DLG2: variants seen among roughly 807,000 people sequenced by gnomAD.
DLG2 encodes discs large MAGUK scaffold protein 2, also known as disks large homolog 2.
A neutral mutation model predicts 132.5 loss-of-function variants in DLG2; 45 were observed. That is an observed-to-expected ratio of 0.34 (90% CI 0.27 to 0.44). DLG2 has a LOEUF of 0.44. Among genes scored for constraint, DLG2 ranks in the 20% least tolerant of loss-of-function variants. The pLI is 1.00. For missense variants in DLG2, 1,045 were observed against 1,196.9 expected (o/e 0.87, Z 1.87); for synonymous variants, 424 against 419.6 (o/e 1.01, Z -0.13).
In DLG2 at chr11:84,502,562, A is replaced by AT. The variant is rs529102379; in HGVS notation, c.519+32007dup. Reference sequence around the variant, plus strand: ...AGGGTCCCGCCACCATACCTGGCTAATTTTTTGTATTTTTTAGTAGAGATG... The same window carrying AT: ...AGGGTCCCGCCACCATACCTGGCTAATTTTTTTGTATTTTTTAGTAGAGATG... On this transcript the variant is annotated intron_variant, in intron 7 of 27. Coordinates refer to ENST00000376104, the MANE Select transcript of DLG2 (RefSeq NM_001142699.3). Among the ~76,000 whole-genome samples the AT allele has an allele frequency of 4.6e-3, 698 of 150,886 alleles. 4 individuals carry two copies. The highest frequency in any genetic ancestry group is 0.017 in the South Asian group (79 of 4,754).
At chr11:85,596,819 CA>C (rs1691335416) in intron 3 of DLG2, among the ~76,000 whole-genome samples, 1 of 152,206 alleles carries the variant, frequency 6.6e-6, no homozygotes. Context: ...AGAAAATGCA[CA>C]GTAAGACCGC....
rs116356860 is a variant in DLG2 at position 85,391,709 on chromosome 11, C to T, written c.41-106344G>A. On this transcript the variant is annotated intron_variant, in intron 3 of 27. Transcript: ENST00000376104. ...AATCAGATGATCATCTTAACAGATA[C>T]AGAAAAAGCATTTGACCAAATCCAG... Among the ~76,000 whole-genome samples the T allele has an allele frequency of 1.7e-3, 266 of 152,130 alleles. 1 individual carries two copies. Among genetic ancestry groups the T allele is most frequent in the African/African-American group, 6.2e-3 (258 of 41,512 alleles).
At chr11:84,315,155 C>T (rs534872355) in intron 7 of DLG2, among the ~76,000 whole-genome samples, 14 of 152,168 alleles carry the variant, frequency 9.2e-5, no homozygotes, top group African/African-American at 2.9e-4. Context: ...TATCAGTATA[C>T]GGTCTATTTC....
intron 6 of DLG2, among the ~76,000 whole-genome samples, chr11:85,084,778 G>A (rs183617076): frequency 5.1e-4 from 78 of 152,228 alleles, no homozygotes; most frequent in African/African-American, 1.8e-3. Flanking sequence ...TCAGAATAGA[G>A]ACTGATTCAC....
At chr11:83,791,033 G>C (rs1442667702) in intron 17 of DLG2, 4 of 744,194 alleles carry the variant, frequency 5.4e-6, no homozygotes, top group Non-Finnish European at 9.3e-6. Flanking sequence ...CCTGGCACGC[G>C]GTCTCAGACT....
At chr11:85,435,509 A>G (rs1257545672) in intron 3 of DLG2, among the ~76,000 whole-genome samples, 2 of 152,074 alleles carry the variant, frequency 1.3e-5, no homozygotes, top group East Asian at 3.9e-4. Context: ...GCATTCTTAC[A>G]CAACAACAAG....
intron 18 of DLG2, among the ~76,000 whole-genome samples, chr11:83,651,123 CT>C (rs1189723533): frequency 6.6e-6 from 1 of 152,020 alleles, no homozygotes; most frequent in Non-Finnish European, 1.5e-5. Context: ...GACATTATGT[CT>C]TATTTGACTG....
chr11:85,126,960 G>T (rs888689951), intron 5 of DLG2, among the ~76,000 whole-genome samples: 3 of 152,128 alleles, frequency 2.0e-5, no homozygotes, highest in Non-Finnish European at 2.9e-5. Context: ...GTATAAGAAT[G>T]GGCAACACAG....
chr11:85,496,548 C>G (rs1335048742), intron 3 of DLG2, among the ~76,000 whole-genome samples: 1 of 152,166 alleles, frequency 6.6e-6, no homozygotes, highest in African/African-American at 2.4e-5. Context: ...CCCTGCTGGA[C>G]AGCTCTGAAA....
chr11:83,639,310 ACT>A (rs1490685111), intron 18 of DLG2, among the ~76,000 whole-genome samples: 13 of 151,718 alleles, frequency 8.6e-5, no homozygotes, highest in African/African-American at 2.4e-4. Flanking sequence ...AGGGTTAGAA[ACT>A]CTATGTTATG....
chr11:85,533,362 A>G (rs1159329781), intron 3 of DLG2, among the ~76,000 whole-genome samples: 1 of 151,656 alleles, frequency 6.6e-6, no homozygotes, highest in African/African-American at 2.4e-5. Flanking sequence ...TAACTGGCTA[A>G]GGTGTGCCTT....
chr11:84,811,586 A>G (rs911645684), intron 6 of DLG2, among the ~76,000 whole-genome samples: 2 of 152,194 alleles, frequency 1.3e-5, no homozygotes, highest in Non-Finnish European at 2.9e-5. Context: ...TCATCATCTT[A>G]TAAGGGAGAT....
chr11:85,445,522 T>C (rs1044064782), intron 3 of DLG2, among the ~76,000 whole-genome samples: 1 of 151,940 alleles, frequency 6.6e-6, no homozygotes, highest in Admixed American at 6.6e-5. Context: ...TACTGAAAAA[T>C]GCAAAAAATT....
At chr11:84,545,478 C>T (rs1017198813) in intron 6 of DLG2, 24 of 416,538 alleles carry the variant, frequency 5.8e-5, no homozygotes, top group Admixed American at 3.7e-4. Flanking sequence ...ACAACCACCA[C>T]CAAAGCATCC....
intron 9 of DLG2, among the ~76,000 whole-genome samples, chr11:84,104,025 A>G (rs1171704556): frequency 3.9e-5 from 6 of 152,044 alleles, no homozygotes; most frequent in Non-Finnish European, 5.9e-5. Flanking sequence ...TTGTTGCATT[A>G]TTTTTCTAGT....
At chr11:85,288,605 G>A (rs945384597) in intron 3 of DLG2, among the ~76,000 whole-genome samples, 16 of 152,096 alleles carry the variant, frequency 1.1e-4, no homozygotes, top group African/African-American at 3.9e-4. Context: ...GCTGCAGTGA[G>A]CTGTGTTCAT....
intron 11 of DLG2, among the ~76,000 whole-genome samples, chr11:84,036,761 G>A (rs989139606): frequency 7.9e-5 from 12 of 152,126 alleles, no homozygotes; most frequent in African/African-American, 2.9e-4. Context: ...GCTAATAGGA[G>A]AAGTAACTAG....
At chr11:85,305,297 C>A (rs928720801) in intron 3 of DLG2, among the ~76,000 whole-genome samples, 1 of 152,170 alleles carries the variant, frequency 6.6e-6, no homozygotes, top group African/African-American at 2.4e-5. Context: ...ACTGTGGTAA[C>A]TTGGCTTTAG....
chr11:85,110,242 AT>A (rs1192529589), intron 6 of DLG2, among the ~76,000 whole-genome samples: 1 of 151,764 alleles, frequency 6.6e-6, no homozygotes, highest in East Asian at 1.9e-4. Context: ...AAACCTCGTT[AT>A]TTACCAAAAA....
Sources: allele counts gnomAD v4.1 joint callset (sites outside exome capture counted in the v4.1 genomes callset), GRCh38; gene constraint gnomAD v4.1.1; transcripts MANE v1.5; gene names NCBI Gene and HGNC (gene_info 2026-07-23, HGNC 2026-07-21).